ZNF407: variants seen among roughly 807,000 people sequenced by gnomAD.
ZNF407 encodes zinc finger protein 407.
In ZNF407, 17 loss-of-function variants were observed where a neutral mutation model predicts 131.2. That is an observed-to-expected ratio of 0.13 (90% CI 0.09 to 0.19). ZNF407 has a LOEUF of 0.19. Ranked by LOEUF, ZNF407 falls within the 10% of genes least tolerant of loss-of-function variation. The pLI is 1.00. For synonymous variants in ZNF407, 1,156 were observed against 1,062.0 expected (o/e 1.09, Z -1.72); for missense variants, 2,681 against 2,830.6 (o/e 0.95, Z 1.20).
intron 3 of ZNF407, among the ~76,000 whole-genome samples, chr18:74,756,350 C>T (rs1028011830): frequency 7.9e-5 from 12 of 151,994 alleles, no homozygotes; most frequent in Admixed American, 5.9e-4. Context: ...GTAATATTGG[C>T]AAAGGGGCAG....
At position 74,641,187 on chromosome 18, in the gene ZNF407, C is replaced by T. The variant is rs563612984; in HGVS notation, c.4802+65C>T. 38 of 1,353,664 alleles carry T rather than the reference C, an allele frequency of 2.8e-5. No homozygotes were observed. In the East Asian group the frequency reaches 3.9e-4, roughly 14 times the overall value. 83.9% of individuals were successfully genotyped at this position (1,353,664 alleles called of 1,614,324 possible). On this transcript the variant is annotated intron_variant, in intron 3 of 8. Coordinates refer to ENST00000299687, the MANE Select transcript of ZNF407 (RefSeq NM_017757.3). Reference sequence around the variant, plus strand: ...AGCATGTGCAGGATAGCCATTGTTTCGGAATTCAAAACCGATAGGAGTAAG... The same window carrying T: ...AGCATGTGCAGGATAGCCATTGTTTTGGAATTCAAAACCGATAGGAGTAAG...
intron 3 of ZNF407, among the ~76,000 whole-genome samples, chr18:74,756,572 T>G (rs1329281105): frequency 6.6e-6 from 1 of 152,200 alleles, no homozygotes; most frequent in Non-Finnish European, 1.5e-5. Flanking sequence ...GTTTTTATAC[T>G]TTTTTTGATT....
chr18:75,035,941 G>A (rs1973303098), intron 8 of ZNF407, among the ~76,000 whole-genome samples: 1 of 152,232 alleles, frequency 6.6e-6, no homozygotes, highest in Non-Finnish European at 1.5e-5. Flanking sequence ...ACAAAGATTG[G>A]GATGAGTTAA....
At chr18:74,942,747 C>T (rs1972113934) in intron 8 of ZNF407, among the ~76,000 whole-genome samples, 1 of 152,110 alleles carries the variant, frequency 6.6e-6, no homozygotes, top group Non-Finnish European at 1.5e-5. Context: ...TGCTTTCACC[C>T]ACAAAGCCTC....
In ZNF407 at chr18:75,063,766, C is replaced by A; in HGVS notation, c.6045C>A (p.Gly2015=). The change falls in exon 9 of 9, where the codon GGC becomes GGA. Residue 2015 remains glycine (G), a synonymous_variant. Transcript: ENST00000299687. This position sits in a 1 kb window ranked among gnomAD's most constrained non-coding sequence, Gnocchi z 6.6. ...RAGLEEQGRP[G]AKDVLIQLPG... is the part of the protein sequence containing the mutation. ...GGCTCGAGGAGCAAGGCAGGCCCGG[C>A]GCCAAAGACGTGCTGATCCAGCTGC... is the stretch of plus-strand genomic sequence containing the variant. 1 of 1,610,850 alleles carries A rather than the reference C, an allele frequency of 6.2e-7. No homozygotes were observed. The highest frequency in any genetic ancestry group is 8.5e-7 in the Non-Finnish European group (1 of 1,179,750).
chr18:74,621,728 G>T (rs900171841), intron 1 of ZNF407, among the ~76,000 whole-genome samples: 1 of 152,178 alleles, frequency 6.6e-6, no homozygotes, highest in African/African-American at 2.4e-5. Flanking sequence ...AAACAGCTCC[G>T]TACTCAAGAG....
At position 75,063,888 on chromosome 18, in the gene ZNF407, T is replaced by C. The variant is rs1973674533; in HGVS notation, c.6167T>C (p.Leu2056Pro). Reference sequence around the variant, plus strand: ...GAGAGCCCGGCCGCCGTGGAGGTGCTCACCCAGGTGGTCCATCCCTCAGCA... The same window carrying C: ...GAGAGCCCGGCCGCCGTGGAGGTGCCCACCCAGGTGGTCCATCCCTCAGCA... The part of the protein sequence containing the change: ...AQESPAAVEV[L>P]TQVVHPSAAM... The change falls in exon 9 of 9, where the codon CTC becomes CCC. Residue 2056 changes from leucine to proline, a missense_variant. Around this residue, in one of 6 missense-constraint regions of ZNF407, gnomAD observed 620 missense variants for 583.1 expected, o/e 1.06. Transcript: ENST00000299687. This position sits in a 1 kb window ranked among gnomAD's most constrained non-coding sequence, Gnocchi z 6.6. 1 of 1,611,996 alleles carries C rather than the reference T, an allele frequency of 6.2e-7. No individual in the cohort carries two copies. The highest frequency in any genetic ancestry group is 8.5e-7 in the Non-Finnish European group (1 of 1,179,542).
chr18:74,646,069 A>G (rs1984960015), intron 3 of ZNF407, among the ~76,000 whole-genome samples: 1 of 152,250 alleles, frequency 6.6e-6, no homozygotes, highest in Non-Finnish European at 1.5e-5. Context: ...CTAAATGCAG[A>G]TAAACACAAG....
chr18:74,920,439 T>C (rs143157749), intron 7 of ZNF407, 75 bp from the exon 8 acceptor site: 45 of 1,247,294 alleles, frequency 3.6e-5, no homozygotes, highest in African/African-American at 2.5e-4. Flanking sequence ...GACAGTGTTA[T>C]GTAATATCAT....
At chr18:74,911,181 T>C (rs1229380618) in intron 7 of ZNF407, among the ~76,000 whole-genome samples, 1 of 152,244 alleles carries the variant, frequency 6.6e-6, no homozygotes, top group Non-Finnish European at 1.5e-5. Context: ...ATATGTCATA[T>C]GTATGTTTCT....
At chr18:74,660,226 G>C (rs1985653559) in intron 3 of ZNF407, among the ~76,000 whole-genome samples, 1 of 152,094 alleles carries the variant, frequency 6.6e-6, no homozygotes, top group Non-Finnish European at 1.5e-5. Flanking sequence ...GTAGCAGTTA[G>C]GGCTGTGGGT....
intron 8 of ZNF407, among the ~76,000 whole-genome samples, chr18:74,937,953 C>A (rs1972056873): frequency 6.6e-6 from 1 of 152,184 alleles, no homozygotes; most frequent in Non-Finnish European, 1.5e-5. Context: ...AATGCTCTGT[C>A]TTCCACAATA....
At position 74,907,514 on chromosome 18, in the gene ZNF407, G is replaced by A. The variant is rs536467753; in HGVS notation, c.5250-13000G>A. On this transcript the variant is annotated intron_variant, in intron 7 of 8. Transcript: ENST00000299687. ...TGGCCTTGTTCTAACATCAGTAACC[G>A]TACATGGTCGGGGAAATGGCTTCTC... Among the ~76,000 whole-genome samples the A allele has an allele frequency of 1.2e-4, 18 of 152,214 alleles. No homozygotes were observed. The South Asian group carries it at 1.5e-3, about 12-fold the overall frequency.
chr18:74,801,960 TCTTTTC>T (rs1473520506), intron 4 of ZNF407, among the ~76,000 whole-genome samples: 4 of 152,192 alleles, frequency 2.6e-5, no homozygotes, highest in African/African-American at 7.2e-5. Context: ...ATAACCATTT[TCTTTTC>T]CTTTTCATTT....
chr18:75,000,868 G>A (rs145108348), intron 8 of ZNF407, among the ~76,000 whole-genome samples: 38 of 152,256 alleles, frequency 2.5e-4, no homozygotes, highest in South Asian at 1.0e-3. Context: ...CGAATGCTTG[G>A]AGAATGATTA....
chr18:74,668,490 G>A (rs957163464), intron 3 of ZNF407, among the ~76,000 whole-genome samples: 6 of 152,172 alleles, frequency 3.9e-5, no homozygotes, highest in Admixed American at 6.5e-5. Context: ...TAAAGTTTGC[G>A]TGTATAACCC....
chr18:74,986,013 G>C lies in ZNF407; in HGVS notation c.5428+65321G>C, dbSNP rs143064937. 6.5e-3 allele frequency among the ~76,000 whole-genome samples: 989 copies of C among 152,254 alleles called. 7 individuals are homozygous for C. The highest frequency in any genetic ancestry group is 0.015 in the South Asian group (74 of 4,822). ...GGCTCATAGAATACTTATGAGGATG[G>C]AATATGAAAGCAGTGTGTGTACTGC... On this transcript the variant is annotated intron_variant, in intron 8 of 8. Transcript: ENST00000299687.
chr18:74,866,483 T>G (rs1473802865), intron 4 of ZNF407, among the ~76,000 whole-genome samples: 2 of 152,086 alleles, frequency 1.3e-5, no homozygotes, highest in Non-Finnish European at 2.9e-5. Context: ...CTGCAGCAAA[T>G]CACACACAGT....
At chr18:74,752,701 T>G (rs1039549984) in intron 3 of ZNF407, among the ~76,000 whole-genome samples, 1 of 152,350 alleles carries the variant, frequency 6.6e-6, no homozygotes, top group Non-Finnish European at 1.5e-5. Context: ...GTGGTATTAT[T>G]TCTGAGGGCT....
Sources: gnomAD v4.1 joint callset for allele counts (sites outside exome capture counted in the v4.1 genomes callset) on GRCh38, gnomAD v4.1.1 for gene constraint, gnomAD v4.1.1 regional missense constraint, Gnocchi (gnomAD v3.1) non-coding constraint, MANE v1.5 for transcripts, NCBI Gene and HGNC (gene_info 2026-07-23, HGNC 2026-07-21) for gene names.